The following COPZ1 variants were observed in gnomAD, a reference collection of about 807,000 sequenced individuals.
The protein encoded by COPZ1 is coat protein complex I subunit zeta 1, also known as coatomer subunit zeta-1.
In COPZ1, 4 loss-of-function variants were observed where a neutral mutation model predicts 31.7. The ratio of observed to expected loss-of-function variants is 0.13; its 90% confidence interval spans 0.06 to 0.29. The LOEUF (loss-of-function observed/expected upper bound fraction) is 0.29, where lower values mean the gene tolerates loss of function less well. Among genes scored for constraint, COPZ1 ranks in the 10% least tolerant of loss-of-function variants. The pLI is 1.00. For synonymous variants in COPZ1, 74 were observed against 79.0 expected (o/e 0.94, Z 0.33); for missense variants, 156 against 211.5 (o/e 0.74, Z 1.63).
At position 54,345,475 on chromosome 12, in the gene COPZ1, G is replaced by A. The variant is rs760947852; in HGVS notation, c.277G>A (p.Val93Ile). The stretch of plus-strand genomic sequence containing the variant: ...TTCCCAACAGCTGATGCTTATGGCT[G>A]TTCTGAACTGTCTCTTCGACTCATT... ...SYENELMLMA[V>I]LNCLFDSLSQ... Residue 93 changes from valine to isoleucine, a missense_variant, in exon 5 of 9, where the codon GTT becomes ATT. Val to Ile is a conservative substitution (Grantham distance 29). Coordinates refer to ENST00000262061, the MANE Select transcript of COPZ1 (RefSeq NM_016057.3). The A allele has an allele frequency of 1.9e-6, 3 of 1,613,506 alleles. No individual in the cohort carries two copies. Among genetic ancestry groups the A allele is most frequent in the African/African-American group, 2.7e-5 (2 of 74,916 alleles).
At chr12:54,342,139 C>A in intron 2 of COPZ1, 67 bp from the exon 3 acceptor site, 1 of 1,135,648 alleles carries the variant, frequency 8.8e-7, no homozygotes, top group Non-Finnish European at 1.3e-6. Context: ...CAGGGCAAAA[C>A]ATAGTCACTA....
At chr12:54,340,941 C>T (rs1280603439) in intron 2 of COPZ1, among the ~76,000 whole-genome samples, 2 of 152,062 alleles carry the variant, frequency 1.3e-5, no homozygotes, top group African/African-American at 2.4e-5. Flanking sequence ...CCTCATGATT[C>T]GCCCGCCTTG....
chr12:54,346,628 GC>G (rs1409082815), intron 5 of COPZ1: 1 of 701,792 alleles, frequency 1.4e-6, no homozygotes, highest in African/African-American at 1.8e-5. Context: ...AAGCACCCAG[GC>G]AGGAGGACTG....
chr12:54,325,978 C>T (rs539725598), intron 1 of COPZ1, among the ~76,000 whole-genome samples: 1 of 150,322 alleles, frequency 6.7e-6, no homozygotes, highest in African/African-American at 2.4e-5. Context: ...GCCACCACGC[C>T]CGGCTATTTT....
chr12:54,335,624 G>A (rs1953847817), intron 1 of COPZ1, among the ~76,000 whole-genome samples: 1 of 151,770 alleles, frequency 6.6e-6, no homozygotes, highest in South Asian at 2.1e-4. Flanking sequence ...GGCCAGGCTG[G>A]AAGGATTTAT....
chr12:54,350,538 C>A lies in COPZ1; in HGVS notation c.*15C>A. 6.2e-7 allele frequency: 1 copy of A among 1,611,650 alleles called. No homozygotes were observed. The highest frequency in any genetic ancestry group is 8.5e-7 in the Non-Finnish European group (1 of 1,177,758). On this transcript the variant is annotated 3_prime_UTR_variant, in exon 9 of 9. Coordinates refer to ENST00000262061, the MANE Select transcript of COPZ1 (RefSeq NM_016057.3). The stretch of plus-strand genomic sequence containing the variant: ...TCCTTCGGTGAAGACCTCACTGTTC[C>A]TGGCTCTTCATCCTCTTCAAAAAAT...
chr12:54,337,863 C>T (rs185295441), intron 1 of COPZ1, among the ~76,000 whole-genome samples: 116 of 152,294 alleles, frequency 7.6e-4, no homozygotes, highest in Admixed American at 3.1e-3. Flanking sequence ...TTTTATTCTT[C>T]CCAGGAAGAT....
intron 1 of COPZ1, among the ~76,000 whole-genome samples, chr12:54,336,549 G>T (rs1953868787): frequency 6.6e-6 from 1 of 150,738 alleles, no homozygotes; most frequent in Admixed American, 6.6e-5. Flanking sequence ...AAAAAAAAAA[G>T]CTCTTATCCA....
intron 1 of COPZ1, among the ~76,000 whole-genome samples, chr12:54,331,173 CTTTTTT>C (rs1000222358): frequency 3.7e-5 from 3 of 80,270 alleles, no homozygotes; most frequent in East Asian, 3.9e-4. Context: ...TTTTCACACT[CTTTTTT>C]TTTTTTTTTT....
At chr12:54,342,400 T>A in intron 3 of COPZ1, 113 bp downstream of exon 3, 1 of 773,902 alleles carries the variant, frequency 1.3e-6, no homozygotes, top group Non-Finnish European at 2.2e-6. Flanking sequence ...TCTTTTTTTT[T>A]CCTTCTTCCC....
chr12:54,350,194 C>A (rs1461626721), intron 8 of COPZ1: 3 of 691,526 alleles, frequency 4.3e-6, no homozygotes, highest in South Asian at 1.5e-5. Context: ...CTGCCCGCCG[C>A]CCCTTTTAAC....
In COPZ1 at chr12:54,350,858, G is replaced by C. The variant is rs78906456; in HGVS notation, c.*335G>C. On this transcript the variant is annotated 3_prime_UTR_variant, in exon 9 of 9. Coordinates refer to ENST00000262061, the MANE Select transcript of COPZ1 (RefSeq NM_016057.3). ...TGCCCTTTGCTGTAGCTACACTTCA[G>C]ATTAAAGTAGGAGAAAGAATGTGCT... The C allele has an allele frequency of 4.1e-4, 136 of 328,294 alleles. 1 individual carries two copies. In the East Asian group the frequency reaches 6.1e-3, roughly 15 times the overall value. 20.3% of individuals were successfully genotyped at this position (328,294 alleles called of 1,614,324 possible).
intron 1 of COPZ1, among the ~76,000 whole-genome samples, chr12:54,339,189 A>C (rs924001503): frequency 6.7e-6 from 1 of 149,972 alleles, no homozygotes; most frequent in Non-Finnish European, 1.5e-5. Flanking sequence ...TGGGAGGCCT[A>C]GGTGGGAGGA....
intron 1 of COPZ1, among the ~76,000 whole-genome samples, chr12:54,332,306 G>A (rs535729163): frequency 1.2e-4 from 18 of 151,184 alleles, no homozygotes; most frequent in South Asian, 2.1e-4. Context: ...GTGAGACTCC[G>A]TCTCAAAAAA....
intron 1 of COPZ1, among the ~76,000 whole-genome samples, chr12:54,326,681 AG>A (rs1953654149): frequency 1.1e-5 from 1 of 87,192 alleles, no homozygotes; most frequent in African/African-American, 4.0e-5. Context: ...GTGTGTGTGT[AG>A]GTAGGTAGGT....
In COPZ1 at chr12:54,325,452, G is replaced by A. The variant is rs1348308048; in HGVS notation, c.18+271G>A. 1.7e-5 allele frequency: 7 copies of A among 417,272 alleles called. No homozygotes were observed. The South Asian group carries it at 2.6e-4, about 16-fold the overall frequency. 25.8% of individuals were successfully genotyped at this position (417,272 alleles called of 1,614,324 possible). ...GATACACAGACCTGTAGGCGTACTG[G>A]ATTAGGACCCTTCAGGTTGCCCCTT... On this transcript the variant is annotated intron_variant, in intron 1 of 8. Transcript: ENST00000262061.
At chr12:54,337,163 ATCTG>A (rs768029778) in intron 1 of COPZ1, 10 of 532,550 alleles carry the variant, frequency 1.9e-5, no homozygotes, top group Non-Finnish European at 3.5e-5. Flanking sequence ...ATACATGAAA[ATCTG>A]TCTAAGTCAC....
chr12:54,343,332 C>G lies in COPZ1; in HGVS notation c.261+16C>G. On this transcript the variant is annotated intron_variant, in intron 4 of 8. Coordinates refer to ENST00000262061, the MANE Select transcript of COPZ1 (RefSeq NM_016057.3). ...TGAAAATGAGGTGAGAATCCCCACC[C>G]CTCTTTGCTATTTCTGATCCTACTT... is the stretch of plus-strand genomic sequence containing the variant. The G allele has an allele frequency of 1.3e-6, 2 of 1,591,264 alleles. No individual in the cohort carries two copies. The highest frequency in any genetic ancestry group is 1.7e-6 in the Non-Finnish European group (2 of 1,159,250).
At chr12:54,331,496 T>C (rs1004048654) in intron 1 of COPZ1, among the ~76,000 whole-genome samples, 1 of 152,068 alleles carries the variant, frequency 6.6e-6, no homozygotes, top group Non-Finnish European at 1.5e-5. Context: ...TCACTCTCAA[T>C]GCAGATATCC....
Sources: allele counts gnomAD v4.1 joint callset (sites outside exome capture counted in the v4.1 genomes callset), GRCh38; gene constraint gnomAD v4.1.1; transcripts MANE v1.5; gene names NCBI Gene and HGNC (gene_info 2026-07-23, HGNC 2026-07-21).